The following ITFG1 variants were observed in gnomAD, a reference collection of about 807,000 sequenced individuals.
The protein encoded by ITFG1 is T-cell immunomodulatory protein.
A neutral mutation model predicts 81.8 loss-of-function variants in ITFG1; 34 were observed. That is an observed-to-expected ratio of 0.42 (90% CI 0.32 to 0.55). The LOEUF (loss-of-function observed/expected upper bound fraction) is 0.55. Ranked by LOEUF, ITFG1 falls within the 20% of genes least tolerant of loss-of-function variation. The pLI is 0.17. For missense variants in ITFG1, 672 were observed against 755.4 expected (o/e 0.89, Z 1.29); for synonymous variants, 285 against 270.6 (o/e 1.05, Z -0.52).
chr16:47,412,783 C>A (rs1226516794), intron 6 of ITFG1, among the ~76,000 whole-genome samples: 2 of 151,398 alleles, frequency 1.3e-5, no homozygotes, highest in African/African-American at 4.8e-5. Flanking sequence ...AGCATGAAGA[C>A]TGGTCCTTCA....
At chr16:47,372,244 T>A (rs912083665) in intron 7 of ITFG1, among the ~76,000 whole-genome samples, 9 of 152,202 alleles carry the variant, frequency 5.9e-5, no homozygotes, top group South Asian at 2.1e-4. Context: ...TTTGCTTTTT[T>A]AAAAAAATTT....
chr16:47,379,453 C>A (rs901075841), intron 6 of ITFG1, among the ~76,000 whole-genome samples: 1 of 151,918 alleles, frequency 6.6e-6, no homozygotes, highest in Non-Finnish European at 1.5e-5. Context: ...TTTGAGAGGC[C>A]GAGGCGGGCA....
intron 6 of ITFG1, among the ~76,000 whole-genome samples, chr16:47,391,235 T>C (rs979845311): frequency 9.9e-5 from 15 of 152,192 alleles, no homozygotes; most frequent in African/African-American, 3.4e-4. Flanking sequence ...CCTCAACTAC[T>C]ATACAAGGCA....
intron 6 of ITFG1, among the ~76,000 whole-genome samples, chr16:47,407,558 G>C (rs1254275129): frequency 6.6e-6 from 1 of 152,174 alleles, no homozygotes; most frequent in African/African-American, 2.4e-5. Flanking sequence ...TGTTGGCCAG[G>C]CTGGTCTAGA....
intron 5 of ITFG1, among the ~76,000 whole-genome samples, chr16:47,442,812 A>G (rs1229278353): frequency 1.3e-5 from 2 of 152,226 alleles, no homozygotes; most frequent in African/African-American, 4.8e-5. Context: ...AAGAAAACCT[A>G]GGCATTACCA....
At chr16:47,333,038 T>C (rs1217750456) in intron 8 of ITFG1, among the ~76,000 whole-genome samples, 1 of 152,202 alleles carries the variant, frequency 6.6e-6, no homozygotes, top group Non-Finnish European at 1.5e-5. Flanking sequence ...TGCAGTTGTC[T>C]CAATTTTAAT....
chr16:47,267,544 A>ATT (rs1966291214), intron 10 of ITFG1, among the ~76,000 whole-genome samples: 2 of 152,158 alleles, frequency 1.3e-5, no homozygotes, highest in African/African-American at 4.8e-5. Context: ...AGACTCAAAC[A>ATT]ATAATAACCA....
intron 4 of ITFG1, 27 bp from the exon 5 acceptor site, chr16:47,451,497 G>C (rs776180278): frequency 4.1e-6 from 5 of 1,225,230 alleles, no homozygotes; most frequent in Middle Eastern, 2.0e-4. Flanking sequence ...ACAATAAGCA[G>C]CTATTTCTTT....
At chr16:47,179,243 T>C (rs1428543839) in intron 14 of ITFG1, among the ~76,000 whole-genome samples, 1 of 152,232 alleles carries the variant, frequency 6.6e-6, no homozygotes, top group Non-Finnish European at 1.5e-5. Flanking sequence ...ACCCAAAGAA[T>C]TATAAATCAT....
At chr16:47,173,577 A>G (rs1044536433) in intron 14 of ITFG1, among the ~76,000 whole-genome samples, 1 of 152,200 alleles carries the variant, frequency 6.6e-6, no homozygotes, top group Non-Finnish European at 1.5e-5. Context: ...TTGTCTACCA[A>G]AAGTATCTGT....
chr16:47,218,167 G>C (rs1338724522), intron 14 of ITFG1: 3 of 152,082 alleles, frequency 2.0e-5, no homozygotes, highest in Non-Finnish European at 4.4e-5. Flanking sequence ...CAAAAAAATA[G>C]AGGAGTGACA....
At chr16:47,409,405 T>TATATATATATATATA (rs60029204) in intron 6 of ITFG1, among the ~76,000 whole-genome samples, 22 of 8,018 alleles carry the variant, frequency 2.7e-3, no homozygotes, top group East Asian at 0.011. Context: ...TATATATATA[T>TATATATATATATATA]TTTTTTTTTT....
chr16:47,398,421 C>A (rs1259547698), intron 6 of ITFG1, among the ~76,000 whole-genome samples: 7 of 152,162 alleles, frequency 4.6e-5, no homozygotes, highest in Non-Finnish European at 8.8e-5. Flanking sequence ...ATTATTTTAA[C>A]CCTCCTCTTC....
At chr16:47,460,004 AG>A (rs1355575001) in intron 1 of ITFG1, among the ~76,000 whole-genome samples, 1 of 152,224 alleles carries the variant, frequency 6.6e-6, no homozygotes, top group Non-Finnish European at 1.5e-5. Context: ...CTGCTTCTGT[AG>A]GTACTCAAGA....
intron 10 of ITFG1, among the ~76,000 whole-genome samples, chr16:47,289,222 T>A (rs1183024701): frequency 6.6e-6 from 1 of 152,206 alleles, no homozygotes; most frequent in Non-Finnish European, 1.5e-5. Context: ...TGGTAAATGC[T>A]CTTTCTAATG....
intron 10 of ITFG1, chr16:47,263,196 G>T: frequency 3.2e-6 from 1 of 314,324 alleles, no homozygotes; most frequent in South Asian, 3.7e-5. Context: ...TGGGATAGGA[G>T]AGGCCCTGGC....
intron 10 of ITFG1, among the ~76,000 whole-genome samples, chr16:47,268,628 A>G (rs550166882): frequency 6.6e-6 from 1 of 152,348 alleles, no homozygotes; most frequent in East Asian, 1.9e-4. Context: ...TCAATAATAC[A>G]GTCAGATCTT....
At chr16:47,427,861 T>C (rs1969043649) in intron 6 of ITFG1, among the ~76,000 whole-genome samples, 1 of 152,218 alleles carries the variant, frequency 6.6e-6, no homozygotes, top group South Asian at 2.1e-4. Flanking sequence ...TGATTGGGTG[T>C]GGTGGCTCAT....
At chr16:47,361,769 T>G (rs1031360893) in intron 8 of ITFG1, among the ~76,000 whole-genome samples, 1 of 152,186 alleles carries the variant, frequency 6.6e-6, no homozygotes, top group Non-Finnish European at 1.5e-5. Flanking sequence ...TCTAAAGGTC[T>G]TTTCTTGGTC....
Sources: gnomAD v4.1 joint callset for allele counts (sites outside exome capture counted in the v4.1 genomes callset) on GRCh38, gnomAD v4.1.1 for gene constraint, MANE v1.5 for transcripts, NCBI Gene and HGNC (gene_info 2026-07-23, HGNC 2026-07-21) for gene names.